TSPAN32: variants seen among roughly 807,000 people sequenced by gnomAD.
TSPAN32 encodes the protein tetraspanin-32.
A neutral mutation model predicts 42.7 loss-of-function variants in TSPAN32; 47 were observed. The ratio of observed to expected loss-of-function variants is 1.10; its 90% confidence interval spans 0.87 to 1.40. The LOEUF (loss-of-function observed/expected upper bound fraction) is 1.40, where lower values mean the gene tolerates loss of function less well. Ranked by LOEUF, TSPAN32 falls within the 40% of genes most tolerant of loss-of-function variation. The pLI is 0.00. For synonymous variants in TSPAN32, 175 were observed against 175.9 expected (o/e 0.99, Z 0.04); for missense variants, 469 against 424.1 (o/e 1.11, Z -0.93).
rs1049528891 is a variant in TSPAN32 at position 2,317,411 on chromosome 11, C to G, written c.787C>G (p.Leu263Val). Residue 263 changes from leucine to valine, a missense_variant, in exon 9 of 10, where the codon CTC becomes GTC. By Grantham distance (32) the Leu-to-Val change is conservative. Coordinates refer to ENST00000182290, the MANE Select transcript of TSPAN32 (RefSeq NM_139022.3). The surrounding 1 kb of genome is among the most constrained non-coding windows in gnomAD (Gnocchi z 6.2). ...RCSQGGPTHC[L>V]HSEAVAIGPR... ...CTCCCAGGGTGGACCCACACATTGTCTCCACTCCGAAGCAGTTGCTATTGG... is the reference window on the plus strand; with the variant it reads ...CTCCCAGGGTGGACCCACACATTGTGTCCACTCCGAAGCAGTTGCTATTGG... The G allele has an allele frequency of 6.2e-7, 1 of 1,602,176 alleles. No individual in the cohort carries two copies. Among genetic ancestry groups the G allele is most frequent in the Middle Eastern group, 1.7e-4 (1 of 6,054 alleles).
chr11:2,302,859 G>T lies in TSPAN32; in HGVS notation c.82G>T (p.Val28Leu). ...CFFILLLGLSVATMVTLTYFG... is the reference protein window; with the variant it reads ...CFFILLLGLSLATMVTLTYFG... ...CTATCCACAGCTGCTGGGCCTCTCT[G>T]TGGCCACCATGGTGACTCTTACCTA... The change falls in exon 2 of 10, where the codon GTG becomes TTG. Residue 28 changes from valine to leucine, a missense_variant. Physicochemically the swap from Val to Leu is conservative, Grantham distance 32. Coordinates refer to ENST00000182290, the MANE Select transcript of TSPAN32 (RefSeq NM_139022.3). 6.2e-7 allele frequency: 1 copy of T among 1,613,562 alleles called. No individual in the cohort carries two copies.
rs1408856189 is a variant in TSPAN32, at chr11:2,317,392, G to C, written c.768G>C (p.Gln256His). 1 of 1,599,446 alleles carries C rather than the reference G, an allele frequency of 6.3e-7. No individual in the cohort carries two copies. The highest frequency in any genetic ancestry group is 8.5e-7 in the Non-Finnish European group (1 of 1,173,126). The stretch of plus-strand genomic sequence containing the variant: ...AGCCCAGCCTCTTGAGATGCTCCCA[G>C]GGTGGACCCACACATTGTCTCCACT... ...PQEPSLLRCS[Q>H]GGPTHCLHSE... Residue 256 changes from glutamine to histidine, a missense_variant, in exon 9 of 10, where the codon CAG becomes CAC. Transcript: ENST00000182290. The surrounding 1 kb of genome is among the most constrained non-coding windows in gnomAD (Gnocchi z 6.2).
At chr11:2,314,814 C>A in intron 6 of TSPAN32, 1 of 547,816 alleles carries the variant, frequency 1.8e-6, no homozygotes, top group Non-Finnish European at 3.3e-6. Context: ...GCCCCTTTGC[C>A]CAGCTGGACG....
Position 2,317,597 on chromosome 11 carries a change from A to T in TSPAN32, c.901+72A>T. 6 of 1,511,834 alleles carry T rather than the reference A, an allele frequency of 4.0e-6. No individual in the cohort carries two copies. Among genetic ancestry groups the T allele is most frequent in the Non-Finnish European group, 5.3e-6 (6 of 1,133,872 alleles). 93.7% of individuals were successfully genotyped at this position (1,511,834 alleles called of 1,614,324 possible). A position where few individuals can be genotyped will look rare whatever the true frequency, so the allele number is the denominator to read the frequency against. On this transcript the variant is annotated intron_variant, in intron 9 of 9. Transcript: ENST00000182290. This position sits in a 1 kb window ranked among gnomAD's most constrained non-coding sequence, Gnocchi z 6.2. ...GGTCCGAGCTGTGAGGAGGGAAGGGAGTGAAGGCCCAGCCAGAGAGCCAGG... is the reference window on the plus strand; with the variant it reads ...GGTCCGAGCTGTGAGGAGGGAAGGGTGTGAAGGCCCAGCCAGAGAGCCAGG...
At chr11:2,311,588 G>A (rs1458776918) in intron 4 of TSPAN32, among the ~76,000 whole-genome samples, 1 of 152,104 alleles carries the variant, frequency 6.6e-6, no homozygotes, top group Non-Finnish European at 1.5e-5. Flanking sequence ...CTGTACCTGT[G>A]GGGCTGGTCC....
chr11:2,309,689 A>G (rs74048246), intron 4 of TSPAN32, among the ~76,000 whole-genome samples: 4 of 152,220 alleles, frequency 2.6e-5, no homozygotes, highest in Admixed American at 6.5e-5. Flanking sequence ...AGGCTTGGCC[A>G]TGAGAGATAC....
intron 4 of TSPAN32, chr11:2,310,013 G>A (rs1388444122): frequency 1.3e-5 from 2 of 152,676 alleles, no homozygotes; most frequent in African/African-American, 2.4e-5. Flanking sequence ...CAGAGGGGCT[G>A]AGCCCCCAGA....
At chr11:2,302,439 T>C (rs1021971277) in intron 1 of TSPAN32, among the ~76,000 whole-genome samples, 1 of 152,050 alleles carries the variant, frequency 6.6e-6, no homozygotes, top group East Asian at 1.9e-4. Flanking sequence ...GCACAGAGCC[T>C]GGAGGAGGCC....
chr11:2,308,854 T>G, intron 4 of TSPAN32, 44 bp downstream of exon 4: 1 of 1,310,140 alleles, frequency 7.6e-7, no homozygotes, highest in Non-Finnish European at 1.1e-6. Flanking sequence ...GGTCCCCCAG[T>G]AAGCCAGTGG....
chr11:2,309,692 A>G (rs1281030138), intron 4 of TSPAN32, among the ~76,000 whole-genome samples: 3 of 152,196 alleles, frequency 2.0e-5, no homozygotes, highest in Non-Finnish European at 4.4e-5. Context: ...CTTGGCCATG[A>G]GAGATACCGA....
intron 1 of TSPAN32, chr11:2,302,560 C>A: frequency 1.9e-6 from 1 of 523,980 alleles, no homozygotes. Flanking sequence ...GGGTGGGGCT[C>A]ACTCCCACTC....
At chr11:2,306,046 C>CTGTGTG (rs56961357) in intron 3 of TSPAN32, among the ~76,000 whole-genome samples, 44,845 of 147,214 alleles carry the variant, frequency 0.3, 7,440 homozygotes, top group Non-Finnish European at 0.38. Flanking sequence ...GCAGGTGCCT[C>CTGTGTG]TGTGTGTGTG....
intron 3 of TSPAN32, among the ~76,000 whole-genome samples, chr11:2,306,185 C>T (rs1469114278): frequency 6.6e-6 from 1 of 152,048 alleles, no homozygotes; most frequent in Non-Finnish European, 1.5e-5. Flanking sequence ...AGTGAAGGGG[C>T]TAGGGAAGGG....
intron 3 of TSPAN32, among the ~76,000 whole-genome samples, chr11:2,305,385 G>A (rs1214233498): frequency 2.1e-5 from 3 of 140,424 alleles, no homozygotes; most frequent in Middle Eastern, 3.8e-3. Context: ...CCCCCCCAGA[G>A]GGTGTGTGGC....
chr11:2,316,551 G>A, intron 7 of TSPAN32, 25 bp from the exon 8 acceptor site: 1 of 1,602,284 alleles, frequency 6.2e-7, no homozygotes, highest in South Asian at 1.1e-5. Flanking sequence ...GGGCAGTGGG[G>A]CAGCCGCGGG....
chr11:2,310,493 A>ACTGGGGCTTCCTC (rs1202289431), intron 4 of TSPAN32, among the ~76,000 whole-genome samples: 3 of 152,004 alleles, frequency 2.0e-5, no homozygotes, highest in Non-Finnish European at 2.9e-5. Context: ...CAGGCAGGGG[A>ACTGGGGCTTCCTC]CTGGGGCTTC....
chr11:2,307,265 G>A (rs1255711632), intron 3 of TSPAN32, among the ~76,000 whole-genome samples: 7 of 152,268 alleles, frequency 4.6e-5, no homozygotes, highest in Non-Finnish European at 8.8e-5. Flanking sequence ...CAGCGTTGTC[G>A]CTGCCCACCT....
At chr11:2,306,016 G>T (rs1472523217) in intron 3 of TSPAN32, among the ~76,000 whole-genome samples, 1 of 151,542 alleles carries the variant, frequency 6.6e-6, no homozygotes, top group Non-Finnish European at 1.5e-5. Flanking sequence ...GAGTGTGTGT[G>T]TGCATGTGTG....
chr11:2,315,943 C>T (rs745481132), intron 6 of TSPAN32: 9 of 1,522,404 alleles, frequency 5.9e-6, no homozygotes, highest in South Asian at 2.4e-5. Flanking sequence ...GGGGAGCCAA[C>T]GTGTGGCCCA....
Sources: allele counts gnomAD v4.1 joint callset (sites outside exome capture counted in the v4.1 genomes callset), GRCh38; gene constraint gnomAD v4.1.1; non-coding constraint Gnocchi (gnomAD v3.1); transcripts MANE v1.5; gene names NCBI Gene and HGNC (gene_info 2026-07-23, HGNC 2026-07-21).